RYR2: variants seen among roughly 807,000 people sequenced by gnomAD.
RYR2 encodes ryanodine receptor 2, also known as cardiac muscle ryanodine receptor-calcium release channel.
In RYR2, 227 loss-of-function variants were observed where a neutral mutation model predicts 601.1. The ratio of observed to expected loss-of-function variants is 0.38; its 90% confidence interval spans 0.34 to 0.42. The LOEUF is 0.42. Ranked by LOEUF, RYR2 falls within the 10% of genes least tolerant of loss-of-function variation. The pLI is 1.00. For missense variants in RYR2, 4,646 were observed against 6,156.5 expected (o/e 0.75, Z 8.21); for synonymous variants, 2,223 against 2,175.1 (o/e 1.02, Z -0.61).
At chr1:237,519,986 A>C (rs531107651) in intron 24 of RYR2, among the ~76,000 whole-genome samples, 1 of 152,106 alleles carries the variant, frequency 6.6e-6, no homozygotes, top group East Asian at 1.9e-4. Flanking sequence ...TCTTGTACAG[A>C]TCTTGTACAC....
At chr1:237,601,962 A>G in intron 34 of RYR2, 63 bp from the exon 35 acceptor site, 1 of 1,415,192 alleles carries the variant, frequency 7.1e-7, no homozygotes, top group African/African-American at 1.4e-5. Flanking sequence ...TGTTATAAAG[A>G]AAAACTTTTT....
intron 97 of RYR2, among the ~76,000 whole-genome samples, chr1:237,798,799 C>CAT (rs1266010941): frequency 7.5e-5 from 9 of 119,256 alleles, no homozygotes; most frequent in Middle Eastern, 4.2e-3. Context: ...CACACACACA[C>CAT]ACATATAGTG....
chr1:237,593,698 AT>A (rs1328862148), intron 33 of RYR2, 62 bp downstream of exon 33: 1 of 1,522,572 alleles, frequency 6.6e-7, no homozygotes, highest in Non-Finnish European at 9.1e-7. Context: ...GAACCTAGCT[AT>A]TCCTTTTCCT....
chr1:237,561,515 CAGAA>C (rs1671455511), intron 27 of RYR2, among the ~76,000 whole-genome samples: 1 of 152,098 alleles, frequency 6.6e-6, no homozygotes, highest in Admixed American at 6.6e-5. Context: ...AGATTAGTGT[CAGAA>C]AGGCCATCGC....
chr1:237,235,282 C>T (rs2149207370), intron 1 of RYR2, among the ~76,000 whole-genome samples: 1 of 152,334 alleles, frequency 6.6e-6, no homozygotes, highest in East Asian at 1.9e-4. Flanking sequence ...CCAAGTTGCT[C>T]TCTCCTGTTC....
At chr1:237,522,351 A>G (rs1428115670) in intron 24 of RYR2, among the ~76,000 whole-genome samples, 1 of 152,248 alleles carries the variant, frequency 6.6e-6, no homozygotes, top group African/African-American at 2.4e-5. Flanking sequence ...AAGTTTATGA[A>G]TTTGTGTTGG....
At chr1:237,209,956 TA>T (rs1682382144) in intron 1 of RYR2, among the ~76,000 whole-genome samples, 1 of 152,322 alleles carries the variant, frequency 6.6e-6, no homozygotes, top group African/African-American at 2.4e-5. Context: ...ATCTTTGTGA[TA>T]TTTTTAATGA....
intron 66 of RYR2, among the ~76,000 whole-genome samples, chr1:237,704,279 C>G (rs1688187481): frequency 1.3e-5 from 2 of 152,064 alleles, no homozygotes; most frequent in Non-Finnish European, 2.9e-5. Context: ...AGGGAATTTA[C>G]TAGAAATATA....
At chr1:237,324,831 T>C (rs1695993878) in intron 2 of RYR2, among the ~76,000 whole-genome samples, 1 of 152,196 alleles carries the variant, frequency 6.6e-6, no homozygotes, top group South Asian at 2.1e-4. Context: ...GATACCTGTG[T>C]TATGTCAAAG....
chr1:237,768,343 C>T (rs1441287207), intron 84 of RYR2, among the ~76,000 whole-genome samples: 1 of 152,132 alleles, frequency 6.6e-6, no homozygotes, highest in African/African-American at 2.4e-5. Context: ...AAAATTACCA[C>T]AGATTATGAA....
chr1:237,780,049 C>T (rs1694970917), intron 88 of RYR2, among the ~76,000 whole-genome samples: 1 of 152,154 alleles, frequency 6.6e-6, no homozygotes, highest in Non-Finnish European at 1.5e-5. Flanking sequence ...TTTTTATCAG[C>T]CTGGAGTTTT....
Position 237,237,944 on chromosome 1 carries a change from C to CT in RYR2, c.49-32553_49-32552insT, listed in dbSNP as rs1491475857. On this transcript the variant is annotated intron_variant, in intron 1 of 104. Transcript: ENST00000366574. The stretch of plus-strand genomic sequence containing the variant: ...TCCCTTTCCCTTTCCCCTTTCCTTT[C>CT]CCCTTTCCTTTCCTTTCCTTTCCTT... Among the ~76,000 whole-genome samples, 22 of 26,136 alleles carry CT rather than the reference C, an allele frequency of 8.4e-4. 1 individual carries two copies. The highest frequency in any genetic ancestry group is 2.0e-3 in the Non-Finnish European group (16 of 8,172). 17.1% of individuals were successfully genotyped at this position (26,136 alleles called of 152,430 possible).
At chr1:237,761,108 T>A in intron 84 of RYR2, 80 bp downstream of exon 84, 2 of 810,296 alleles carry the variant, frequency 2.5e-6, no homozygotes, top group Non-Finnish European at 4.1e-6. Context: ...ACCTTTCAAG[T>A]AGAGAGATAA....
At chr1:237,516,478 C>A (rs1666560118) in intron 24 of RYR2, among the ~76,000 whole-genome samples, 1 of 152,136 alleles carries the variant, frequency 6.6e-6, no homozygotes, top group Non-Finnish European at 1.5e-5. Context: ...CATTTCTTCT[C>A]AGTGTGCAAG....
Position 237,566,769 on chromosome 1 carries a change from C to T in RYR2, c.3417C>T (p.Gly1139=), listed in dbSNP as rs1368724013. The T allele has an allele frequency of 1.9e-6, 3 of 1,613,834 alleles. No homozygotes were observed. The highest frequency in any genetic ancestry group is 2.5e-6 in the Non-Finnish European group (3 of 1,179,864). ...ATGAACGTGCCTTTGCCTTTGATGG[C>T]TTCAAGGTGAGTGGACTTTGTCCTG... ...GSDERAFAFD[G]FKAQRWHQGN... Residue 1139 remains glycine, a synonymous_variant, in exon 28 of 105, where the codon GGC becomes GGT. Coordinates refer to ENST00000366574, the MANE Select transcript of RYR2 (RefSeq NM_001035.3).
intron 98 of RYR2, among the ~76,000 whole-genome samples, chr1:237,803,201 G>A (rs77628775): frequency 0.04 from 6,109 of 152,198 alleles, 390 homozygotes; most frequent in African/African-American, 0.14. Context: ...ATTTTACTGT[G>A]CAGCAAGCAC....
chr1:237,138,947 G>C (rs915604729), intron 1 of RYR2, among the ~76,000 whole-genome samples: 2 of 152,154 alleles, frequency 1.3e-5, no homozygotes, highest in Admixed American at 1.3e-4. Flanking sequence ...CTGGGGACCT[G>C]GTATAGCTGC....
At chr1:237,541,989 G>A (rs1345911368) in intron 25 of RYR2, among the ~76,000 whole-genome samples, 2 of 152,188 alleles carry the variant, frequency 1.3e-5, no homozygotes, top group East Asian at 3.9e-4. Context: ...ATGTCACAGG[G>A]GATGCGATGG....
chr1:237,244,024 C>T (rs111686979), intron 1 of RYR2, among the ~76,000 whole-genome samples: 2 of 151,988 alleles, frequency 1.3e-5, no homozygotes, highest in African/African-American at 2.4e-5. Context: ...TGGGAGGTAT[C>T]GGTCACTGGT....
Sources: allele counts gnomAD v4.1 joint callset (sites outside exome capture counted in the v4.1 genomes callset), GRCh38; gene constraint gnomAD v4.1.1; transcripts MANE v1.5; gene names NCBI Gene and HGNC (gene_info 2026-07-23, HGNC 2026-07-21).